Variants in BRAF observed in about 807,000 individuals in gnomAD.
BRAF encodes serine/threonine-protein kinase B-raf.
BRAF carries 16 observed loss-of-function variants against 104.6 expected under a neutral mutation model. That is an observed-to-expected ratio of 0.15 (90% confidence interval 0.10 to 0.23). BRAF has a LOEUF of 0.23. Among genes scored for constraint, BRAF ranks in the 10% least tolerant of loss-of-function variants. BRAF has a pLI of 1.00. For missense variants in BRAF, 541 were observed against 937.3 expected, an observed-to-expected ratio of 0.58 and a Z score of 5.52; for synonymous variants, 310 against 341.6, an observed-to-expected ratio of 0.91 and a Z score of 1.02.
At chr7:140,871,260 A>C (rs912064759) in intron 1 of BRAF, among the ~76,000 whole-genome samples, 11 of 151,426 alleles carry the variant, frequency 7.3e-5, no homozygotes, top group Admixed American at 5.3e-4. Context: ...AAAAAAAAAA[A>C]AAGAGTAACT....
At chr7:140,854,439 T>G (rs1809540878) in intron 1 of BRAF, among the ~76,000 whole-genome samples, 1 of 152,148 alleles carries the variant, frequency 6.6e-6, no homozygotes, top group Non-Finnish European at 1.5e-5. Context: ...TCATCCTAGT[T>G]CAGTGATTCT....
chr7:140,795,195 T>C (rs2129038665), intron 7 of BRAF, among the ~76,000 whole-genome samples: 1 of 152,342 alleles, frequency 6.6e-6, no homozygotes, highest in African/African-American at 2.4e-5. Flanking sequence ...TACATACCTA[T>C]TTCGGTATGG....
intron 1 of BRAF, among the ~76,000 whole-genome samples, chr7:140,888,749 C>T (rs1380450888): frequency 6.6e-6 from 1 of 151,804 alleles, no homozygotes; most frequent in East Asian, 1.9e-4. Flanking sequence ...GCAAGAGAAT[C>T]GCTTGAATCT....
intron 1 of BRAF, among the ~76,000 whole-genome samples, chr7:140,909,735 G>A (rs1816753193): frequency 6.6e-6 from 1 of 151,812 alleles, no homozygotes; most frequent in Non-Finnish European, 1.5e-5. Flanking sequence ...TATATTAAAG[G>A]TGCCTCAGTT....
rs1305154514 is a variant in BRAF, at chr7:140,726,200, T to C, written c.*294A>G. 31 of 1,237,094 alleles carry C rather than the reference T, an allele frequency of 2.5e-5. No individual in the cohort carries two copies. Among genetic ancestry groups the C allele is most frequent in the Non-Finnish European group, 3.1e-5 (31 of 988,560 alleles). 76.6% of individuals were successfully genotyped at this position (1,237,094 alleles called of 1,614,324 possible). A position where few individuals can be genotyped will look rare whatever the true frequency, so the allele number is the denominator to read the frequency against. ...AGCAGCAGTTTCTTTCCATCATGCC[T>C]GACCATCAAAAGGTCAGAATTCAGG... On this transcript the variant is annotated 3_prime_UTR_variant, in exon 20 of 20. Transcript: ENST00000644969.
At chr7:140,805,199 C>A (rs572088601) in intron 5 of BRAF, among the ~76,000 whole-genome samples, 2 of 152,216 alleles carry the variant, frequency 1.3e-5, no homozygotes, top group East Asian at 3.9e-4. Flanking sequence ...ATATATAATA[C>A]ATTCTGGCTT....
intron 14 of BRAF, among the ~76,000 whole-genome samples, chr7:140,756,726 A>T (rs370100102): frequency 6.6e-6 from 1 of 152,226 alleles, no homozygotes; most frequent in African/African-American, 2.4e-5. Flanking sequence ...AGAGCATTAC[A>T]GTTTTACAGA....
rs1197249403 is a variant in BRAF, at chr7:140,725,621, G to A, written c.*873C>T. On this transcript the variant is annotated 3_prime_UTR_variant, in exon 20 of 20. Coordinates refer to ENST00000644969, the MANE Select transcript of BRAF (RefSeq NM_001374258.1). Reference sequence around the variant, plus strand: ...ATTTTGTGCCCTGGACAAAGTAGCCGCATAAGTAGTTGGTGACTGGAAGAG... The same window carrying A: ...ATTTTGTGCCCTGGACAAAGTAGCCACATAAGTAGTTGGTGACTGGAAGAG... The A allele has an allele frequency of 9.5e-6, 10 of 1,057,964 alleles. No homozygotes were observed. The highest frequency in any genetic ancestry group is 3.3e-5 in the African/African-American group (2 of 60,580). 65.5% of individuals were successfully genotyped at this position (1,057,964 alleles called of 1,614,324 possible).
At position 140,725,380 on chromosome 7, in the gene BRAF, A is replaced by C; in HGVS notation, c.*1114T>G. The C allele has an allele frequency of 3.2e-5, 31 of 970,632 alleles. No homozygotes were observed. Among genetic ancestry groups the C allele is most frequent in the Non-Finnish European group, 3.7e-5 (30 of 800,260 alleles). The allele number at this position is 970,632 out of a possible 1,614,324, so 60.1% of individuals were successfully genotyped here. On this transcript the variant is annotated 3_prime_UTR_variant, in exon 20 of 20. Coordinates refer to ENST00000644969, the MANE Select transcript of BRAF (RefSeq NM_001374258.1). The stretch of plus-strand genomic sequence containing the variant: ...GATCTTTCTTAAAAGTTGTTTATAT[A>C]ACAAAAATACAATTTTCAGGATATA...
At chr7:140,842,924 G>C (rs991354514) in intron 2 of BRAF, among the ~76,000 whole-genome samples, 1 of 152,170 alleles carries the variant, frequency 6.6e-6, no homozygotes, top group Non-Finnish European at 1.5e-5. Context: ...TCTGATGGTG[G>C]TGTAACCAAT....
At position 140,724,609 on chromosome 7, in the gene BRAF, T is replaced by G. The variant is rs1308890322; in HGVS notation, c.*1885A>C. ...CAAGACAATGAAAATTTCAATAGGC[T>G]TTCTTCTGAATACATGTATGTTAGC... On this transcript the variant is annotated 3_prime_UTR_variant, in exon 20 of 20. Coordinates refer to ENST00000644969, the MANE Select transcript of BRAF (RefSeq NM_001374258.1). 9.6e-7 allele frequency: 1 copy of G among 1,038,600 alleles called. No individual in the cohort carries two copies. The highest frequency in any genetic ancestry group is 1.7e-5 in the African/African-American group (1 of 59,738). 64.3% of individuals were successfully genotyped at this position (1,038,600 alleles called of 1,614,324 possible). A position where few individuals can be genotyped will look rare whatever the true frequency, so the allele number is the denominator to read the frequency against.
At chr7:140,798,924 C>A (rs1802789230) in intron 7 of BRAF, 1 of 173,152 alleles carries the variant, frequency 5.8e-6, no homozygotes, top group Non-Finnish European at 1.2e-5. Context: ...CAGCTCACTG[C>A]AACCTCCACC....
intron 1 of BRAF, among the ~76,000 whole-genome samples, chr7:140,901,187 T>C (rs779372992): frequency 1.3e-5 from 2 of 152,202 alleles, no homozygotes; most frequent in African/African-American, 2.4e-5. Flanking sequence ...AAAAATATGA[T>C]CAAGAAAAAT....
intron 14 of BRAF, 146 bp downstream of exon 13, chr7:140,776,766 T>C (rs1475801080): frequency 1.3e-6 from 1 of 758,950 alleles, no homozygotes; most frequent in Non-Finnish European, 2.2e-6. Flanking sequence ...TTTAGTATCA[T>C]ATTATTTACC....
chr7:140,728,039 C>T (rs561487230), intron 19 of BRAF, among the ~76,000 whole-genome samples: 2 of 152,314 alleles, frequency 1.3e-5, no homozygotes, highest in Admixed American at 1.3e-4. Flanking sequence ...CAGATTCCAA[C>T]TGGTTGCTAG....
At chr7:140,800,669 CT>C (rs947915486) in intron 6 of BRAF, among the ~76,000 whole-genome samples, 188 bp from the exon 7 acceptor site, 1 of 152,116 alleles carries the variant, frequency 6.6e-6, no homozygotes, top group African/African-American at 2.4e-5. Flanking sequence ...CAAAGGCATG[CT>C]TATAACTTAA....
At chr7:140,905,493 T>A (rs1183137035) in intron 1 of BRAF, among the ~76,000 whole-genome samples, 22 of 152,242 alleles carry the variant, frequency 1.4e-4, no homozygotes, top group Admixed American at 1.4e-3. Flanking sequence ...ATTGTGATGA[T>A]TACTTTTGAT....
At chr7:140,818,223 A>T (rs2535950) in intron 3 of BRAF, among the ~76,000 whole-genome samples, 14,815 of 152,170 alleles carry the variant, frequency 0.097, 782 homozygotes, top group South Asian at 0.19. Flanking sequence ...ATATGAAGCA[A>T]ATATAACAAA....
Position 140,721,946 on chromosome 7 carries a change from GT to G in BRAF, c.*4547del. On this transcript the variant is annotated 3_prime_UTR_variant, in exon 20 of 20. Transcript: ENST00000644969. The stretch of plus-strand genomic sequence containing the variant: ...CAAACTCTGAAAAATCAGTGTCTAG[GT>G]TGGCAGCAGTACTCTGGAAACTGAT... 8.0e-7 allele frequency: 1 copy of G among 1,249,926 alleles called. No homozygotes were observed. The highest frequency in any genetic ancestry group is 1.0e-6 in the Non-Finnish European group (1 of 998,884). 77.4% of individuals were successfully genotyped at this position (1,249,926 alleles called of 1,614,324 possible).
Sources: allele counts gnomAD v4.1 joint callset (sites outside exome capture counted in the v4.1 genomes callset), GRCh38; gene constraint gnomAD v4.1.1; transcripts MANE v1.5; gene names NCBI Gene and HGNC (gene_info 2026-07-23, HGNC 2026-07-21).